KLHL13: variants seen among roughly 807,000 people sequenced by gnomAD.
The protein encoded by KLHL13 is kelch-like protein 13.
Under a neutral mutation model 37.1 loss-of-function variants are expected in KLHL13, and 10 were observed. That is an observed-to-expected ratio of 0.27 (90% CI 0.17 to 0.46). The LOEUF (loss-of-function observed/expected upper bound fraction) is 0.46. KLHL13 is among the 20% of genes least tolerant of loss of function. The probability of loss-of-function intolerance (pLI) is 1.00; values close to 1 mark genes in which losing one functional copy is unlikely to be tolerated. For synonymous variants in KLHL13, 163 were observed against 181.2 expected (o/e 0.90, Z 0.81); for missense variants, 360 against 509.3 (o/e 0.71, Z 2.82).
At chrX:118,052,318 C>G (rs1475363238) in intron 1 of KLHL13, among the ~76,000 whole-genome samples, 1 of 101,765 alleles carries the variant, frequency 9.8e-6, no homozygotes, top group Non-Finnish European at 2.0e-5. Context: ...TCGAGACCAT[C>G]CTGGCTAACA....
chrX:117,945,533 A>G, exon 2 of KLHL13: 2 of 1,209,981 alleles, frequency 1.7e-6, no homozygotes, highest in Non-Finnish European at 1.1e-6. Context: ...CGCTGCCTCC[A>G]AGGGACAATT....
intron 1 of KLHL13, among the ~76,000 whole-genome samples, chrX:117,990,730 A>G (rs1258225220): frequency 1.8e-5 from 2 of 111,783 alleles, no homozygotes; most frequent in East Asian, 5.6e-4. Context: ...TACAAATGAC[A>G]CACAAGAGGG....
At chrX:117,910,025 G>A (rs142113635) in exon 5 of KLHL13, 33 of 1,203,627 alleles carry the variant, frequency 2.7e-5, no homozygotes, top group East Asian at 2.7e-4. Context: ...AACTGTTAAC[G>A]TATTTATCCA....
At position 118,093,905 on chromosome X, in the gene KLHL13, G is replaced by A. The variant is rs6646080; in HGVS notation, c.-56+22603C>T. On this transcript the variant is annotated intron_variant, in intron 1 of 6. Transcript: ENST00000371882. ...TTTCTCTCGGGGGTGGAGACAAGAT[G>A]GCCGAATAGGAACAGCTCCAGTCTA... Among the ~76,000 whole-genome samples, 906 of 109,042 alleles carry A rather than the reference G, an allele frequency of 8.3e-3. 10 individuals carry two copies. The highest frequency in any genetic ancestry group is 0.027 in the African/African-American group (800 of 29,957). 94.7% of individuals were successfully genotyped at this position (109,042 alleles called of 115,157 possible).
At chrX:118,101,671 TAATCCCC>T (rs1419867485) in intron 1 of KLHL13, among the ~76,000 whole-genome samples, 51 of 111,403 alleles carry the variant, frequency 4.6e-4, no homozygotes, top group African/African-American at 1.5e-3. Context: ...TCTCAATTTA[TAATCCCC>T]AAGTGTGGAG....
intron 2 of KLHL13, among the ~76,000 whole-genome samples, chrX:117,930,290 A>AAGGCAGGAAGGCAGGC (rs1932374216): frequency 1.3e-5 from 1 of 78,000 alleles, no homozygotes; most frequent in African/African-American, 6.5e-5. Context: ...GGAAGGAAGG[A>AAGGCAGGAAGGCAGGC]AGGCAGGCAG....
At chrX:117,948,166 A>G (rs1933414078) in intron 1 of KLHL13, among the ~76,000 whole-genome samples, 1 of 111,832 alleles carries the variant, frequency 8.9e-6, no homozygotes, top group Non-Finnish European at 1.9e-5. Context: ...AGCTGTTCTT[A>G]GGCAAAAAAG....
At chrX:118,032,323 A>G (rs765687442) in intron 1 of KLHL13, among the ~76,000 whole-genome samples, 4 of 112,296 alleles carry the variant, frequency 3.6e-5, no homozygotes, top group African/African-American at 6.5e-5. Flanking sequence ...AGTAACCTCT[A>G]CAGACTTAAA....
chrX:118,108,634 A>G (rs1389521342), intron 1 of KLHL13, among the ~76,000 whole-genome samples: 3 of 112,137 alleles, frequency 2.7e-5, no homozygotes, highest in African/African-American at 9.7e-5. Flanking sequence ...TAACAAACCA[A>G]TTTGTATACT....
intron 1 of KLHL13, chrX:117,972,654 C>T (rs879047215): frequency 7.9e-6 from 7 of 887,159 alleles, no homozygotes; most frequent in Non-Finnish European, 9.6e-6. Context: ...TGTTTGGGGG[C>T]TCCCCCGCCC....
chrX:117,903,056 T>C (rs1360202604), intron 5 of KLHL13, among the ~76,000 whole-genome samples: 8 of 108,759 alleles, frequency 7.4e-5, no homozygotes. Context: ...TTTAGCTACT[T>C]GCAACCAAAT....
intron 1 of KLHL13, among the ~76,000 whole-genome samples, chrX:118,083,079 TTGTAAG>T (rs1262913309): frequency 8.9e-6 from 1 of 112,107 alleles, no homozygotes; most frequent in East Asian, 2.8e-4. Context: ...TCCATACAAA[TTGTAAG>T]ATTGTTTTTC....
intron 2 of KLHL13, among the ~76,000 whole-genome samples, chrX:117,930,270 A>AGGC (rs1569418583): frequency 1.3e-4 from 12 of 89,581 alleles, no homozygotes; most frequent in African/African-American, 5.3e-4. Flanking sequence ...GGAAGGAAGG[A>AGGC]AGGAAGGAAG....
chrX:118,100,334 T>C (rs1204763125), intron 1 of KLHL13, among the ~76,000 whole-genome samples: 1 of 111,608 alleles, frequency 9.0e-6, no homozygotes, highest in Non-Finnish European at 1.9e-5. Context: ...TTACAGTTTA[T>C]TGGCGTAACG....
At chrX:117,909,438 G>A in exon 5 of KLHL13, 1 of 1,211,436 alleles carries the variant, frequency 8.3e-7, no homozygotes, top group Non-Finnish European at 1.1e-6. Flanking sequence ...TCTGAAGACT[G>A]TATCAACTGC....
intron 1 of KLHL13, among the ~76,000 whole-genome samples, chrX:117,995,733 T>A (rs1417347610): frequency 8.9e-6 from 1 of 112,055 alleles, no homozygotes; most frequent in Non-Finnish European, 1.9e-5. Context: ...GTATTTCACA[T>A]AAATTGAATC....
chrX:118,058,181 C>A (rs977551251), intron 1 of KLHL13, among the ~76,000 whole-genome samples: 7 of 111,698 alleles, frequency 6.3e-5, no homozygotes, highest in African/African-American at 2.3e-4. Context: ...CCCACTGTTT[C>A]TCATACTGAT....
intron 1 of KLHL13, among the ~76,000 whole-genome samples, chrX:118,002,639 T>A (rs1214289677): frequency 2.9e-5 from 3 of 104,718 alleles, no homozygotes; most frequent in Admixed American, 1.0e-4. Flanking sequence ...AATAAATAAA[T>A]AAATAAAATG....
chrX:118,061,397 C>T (rs1057137004), intron 1 of KLHL13, among the ~76,000 whole-genome samples: 1 of 110,831 alleles, frequency 9.0e-6, no homozygotes, highest in Non-Finnish European at 1.9e-5. Flanking sequence ...GAGGGAAATA[C>T]TCTGCCAGGT....
Sources: gnomAD v4.1 joint callset for allele counts (sites outside exome capture counted in the v4.1 genomes callset) on GRCh38, gnomAD v4.1.1 for gene constraint, MANE v1.5 for transcripts, NCBI Gene and HGNC (gene_info 2026-07-23, HGNC 2026-07-21) for gene names.